TRIM49: variants seen among roughly 807,000 people sequenced by gnomAD.
TRIM49 encodes the protein tripartite motif-containing protein 49.
Under a neutral mutation model 27.4 loss-of-function variants are expected in TRIM49, and 5 were observed. The ratio of observed to expected loss-of-function variants is 0.18; its 90% CI spans 0.10 to 0.38. The LOEUF (loss-of-function observed/expected upper bound fraction) is 0.38, where lower values mean the gene tolerates loss of function less well. TRIM49 is among the 10% of genes least tolerant of loss of function. TRIM49 has a pLI of 1.00. For missense variants in TRIM49, 188 were observed against 487.5 expected (o/e 0.39, Z 5.79); for synonymous variants, 69 against 166.0 (o/e 0.42, Z 4.49).
chr11:89,784,874 C>G, the TRIM49 span, among the ~76,000 whole-genome samples: 1 of 146,714 alleles, frequency 6.8e-6, no homozygotes, highest in Non-Finnish European at 1.5e-5. Context: ...ACCATGTTTT[C>G]TCAACCATTT....
chr11:89,769,254 T>C, the TRIM49 span, among the ~76,000 whole-genome samples: 1 of 132,044 alleles, frequency 7.6e-6, no homozygotes, highest in African/African-American at 3.7e-5. Context: ...TTTGAAAACT[T>C]TAGAATTACC....
At chr11:89,802,747 A>G (rs1407100341) in intron 4 of TRIM49, among the ~76,000 whole-genome samples, 4 of 150,638 alleles carry the variant, frequency 2.7e-5, no homozygotes, top group Non-Finnish European at 5.9e-5. Flanking sequence ...TTTTCTGACC[A>G]CCCTATTTAA....
chr11:89,798,300 G>A lies in TRIM49; in HGVS notation c.1189C>T (p.Leu397Phe), dbSNP rs1565445157. The A allele has an allele frequency of 1.9e-6, 3 of 1,575,224 alleles. No individual in the cohort carries two copies. The highest frequency in any genetic ancestry group is 2.6e-6 in the Non-Finnish European group (3 of 1,165,540). The change falls in exon 8 of 8, where the codon CTT (leucine) becomes TTT (phenylalanine). Residue 397 changes from leucine (L) to phenylalanine (F), a missense_variant. This residue lies in a region of TRIM49 where 94 missense variants were observed against 149.6 expected (regional missense o/e 0.63). Transcript: ENST00000329758. The part of the protein sequence containing the change: ...IQCSLFTTSP[L>F]MLQYIPKPTS... Reference sequence around the variant, plus strand: ...GGTTTTGGGATATATTGCAGCATAAGTGGGGAGGTGGTAAAGAGACTGCAT... The same window carrying A: ...GGTTTTGGGATATATTGCAGCATAAATGGGGAGGTGGTAAAGAGACTGCAT...
At chr11:89,789,675 C>A in the TRIM49 span, 1 of 152,124 alleles carries the variant, frequency 6.6e-6, no homozygotes, top group Non-Finnish European at 1.5e-5. Context: ...GGTTAGGCAG[C>A]TTCTGCTCGG....
In TRIM49 at chr11:89,798,581, T is replaced by C. The variant is rs9666956; in HGVS notation, c.908A>G (p.Tyr303Cys). Residue 303 changes from tyrosine to cysteine, a missense_variant, in exon 8 of 8, where the codon TAT becomes TGT. Transcript: ENST00000329758. ...HEEANNDIFL[Y>C]EILRSMCIGC... ...AATACACATGCTTCTCAAAATTTCA[T>C]ACAGAAAGATATCATTGTTGGCTTC... 5.8e-6 allele frequency: 9 copies of C among 1,539,826 alleles called. No homozygotes were observed. The highest frequency in any genetic ancestry group is 6.9e-6 in the Non-Finnish European group (8 of 1,151,986).
At chr11:89,774,418 A>G in the TRIM49 span, among the ~76,000 whole-genome samples, 1 of 150,668 alleles carries the variant, frequency 6.6e-6, no homozygotes, top group South Asian at 2.1e-4. Flanking sequence ...TTATAAACCT[A>G]ATCAGCCAAT....
At chr11:89,796,562 ATTAT>A (rs1421469232), downstream of TRIM49, among the ~76,000 whole-genome samples, 2 of 146,200 alleles carry the variant, frequency 1.4e-5, no homozygotes, top group Admixed American at 1.3e-4. Context: ...TACCTTATGC[ATTAT>A]TTGACATTTT....
At chr11:89,794,317 G>C (rs1949674502), downstream of TRIM49, among the ~76,000 whole-genome samples, 1 of 122,378 alleles carries the variant, frequency 8.2e-6, no homozygotes, top group African/African-American at 3.2e-5. Context: ...ACTGCCCAAG[G>C]TAATTTATAG....
the TRIM49 span, among the ~76,000 whole-genome samples, chr11:89,774,265 G>A: frequency 2.6e-5 from 4 of 151,038 alleles, no homozygotes; most frequent in Non-Finnish European, 5.9e-5. Flanking sequence ...CTCCCACAGT[G>A]CTGGGATTAC....
At chr11:89,777,583 T>C in the TRIM49 span, among the ~76,000 whole-genome samples, 3 of 146,604 alleles carry the variant, frequency 2.0e-5, no homozygotes, top group East Asian at 6.8e-4. Flanking sequence ...GAGACTTCGC[T>C]AAAGGAGGTT....
At chr11:89,796,798 A>G (rs1949692935), downstream of TRIM49, among the ~76,000 whole-genome samples, 1 of 152,020 alleles carries the variant, frequency 6.6e-6, no homozygotes, top group African/African-American at 2.4e-5. Context: ...AAATACACCA[A>G]ATTTATTTAG....
At chr11:89,768,170 C>G in the TRIM49 span, 1 of 1,249,878 alleles carries the variant, frequency 8.0e-7, no homozygotes, top group Non-Finnish European at 1.1e-6. Flanking sequence ...GTTGATCCCA[C>G]CAAGAGGGCC....
At chr11:89,794,474 T>C (rs1340086408), downstream of TRIM49, among the ~76,000 whole-genome samples, 13 of 151,496 alleles carry the variant, frequency 8.6e-5, no homozygotes, top group Admixed American at 2.6e-4. Flanking sequence ...ATCACACTAC[T>C]TGACTTCAAA....
At position 89,804,107 on chromosome 11, in the gene TRIM49, G is replaced by A; in HGVS notation, c.363C>T (p.His121=). 2 of 1,606,690 alleles carry A rather than the reference G, an allele frequency of 1.2e-6. No individual in the cohort carries two copies. Among genetic ancestry groups the A allele is most frequent in the Non-Finnish European group, 1.7e-6 (2 of 1,177,696 alleles). ...LCLLCSSSQE[H]RYHRHRPIEW... ...CAATGGGACGGTGTCTGTGATACCG[G>A]TGCTCCTGAGAGCTGGAGCACAGCA... The change falls in exon 3 of 8, where the codon CAC becomes CAT. Residue 121 remains histidine (H), a synonymous_variant. Coordinates refer to ENST00000329758, the MANE Select transcript of TRIM49 (RefSeq NM_020358.2).
intron 6 of TRIM49, among the ~76,000 whole-genome samples, chr11:89,800,344 C>T (rs1949724641): frequency 6.6e-6 from 1 of 151,572 alleles, no homozygotes; most frequent in Non-Finnish European, 1.5e-5. Context: ...AACACTTTTT[C>T]ACTGCTAAAA....
chr11:89,791,064 G>A, the TRIM49 span, among the ~76,000 whole-genome samples: 9 of 149,254 alleles, frequency 6.0e-5, no homozygotes, highest in South Asian at 4.2e-4. Context: ...ACCTGATGGA[G>A]GTGAAAACCA....
In TRIM49 at chr11:89,798,213, T is replaced by A; in HGVS notation, c.1276A>T (p.Asn426Tyr). The A allele has an allele frequency of 6.5e-7, 1 of 1,549,062 alleles. No homozygotes were observed. Among genetic ancestry groups the A allele is most frequent in the Non-Finnish European group, 8.6e-7 (1 of 1,156,270 alleles). Reference sequence around the variant, plus strand: ...ATGGTGTATATTAGGGAGCTTTGATTAACATCAACAAAGCTCACAGTCTTA... The same window carrying A: ...ATGGTGTATATTAGGGAGCTTTGATAAACATCAACAAAGCTCACAGTCTTA... ...EAKTVSFVDV[N>Y]QSSLIYTIPN... Residue 426 changes from asparagine (N) to tyrosine (Y), a missense_variant, in exon 8 of 8, where the codon AAT becomes TAT. Physicochemically the swap from Asn to Tyr is moderately radical, Grantham distance 143 (BLOSUM62 -2). Coordinates refer to ENST00000329758, the MANE Select transcript of TRIM49 (RefSeq NM_020358.2).
At chr11:89,788,025 C>T in the TRIM49 span, among the ~76,000 whole-genome samples, 794 of 144,958 alleles carry the variant, frequency 5.5e-3, 5 homozygotes, top group African/African-American at 0.02. Context: ...AATCAGTACA[C>T]CTAGCGGGCA....
chr11:89,800,270 T>A (rs1437074436), intron 6 of TRIM49, among the ~76,000 whole-genome samples: 3 of 151,566 alleles, frequency 2.0e-5, no homozygotes, highest in Non-Finnish European at 2.9e-5. Flanking sequence ...ACTCCACAGT[T>A]TTTTTCAATC....
Sources: allele counts gnomAD v4.1 joint callset (sites outside exome capture counted in the v4.1 genomes callset), GRCh38; gene constraint gnomAD v4.1.1; regional missense constraint gnomAD v4.1.1; transcripts MANE v1.5; gene names NCBI Gene and HGNC (gene_info 2026-07-23, HGNC 2026-07-21).